Variants in RIMBP2 observed in about 807,000 individuals in gnomAD.
The protein encoded by RIMBP2 is RIMS-binding protein 2.
RIMBP2 carries 48 observed loss-of-function variants against 118.6 expected under a neutral mutation model. The observed-to-expected ratio is 0.40, with a 90% CI of 0.32 to 0.51. RIMBP2 has a LOEUF of 0.51. RIMBP2 is among the 20% of genes least tolerant of loss of function. The pLI, the probability that RIMBP2 is intolerant of heterozygous loss-of-function variation, is 0.41. For synonymous variants in RIMBP2, 762 were observed against 742.9 expected, an observed-to-expected ratio of 1.03 and a Z score of -0.42; for missense variants, 1,551 against 1,768.3, an observed-to-expected ratio of 0.88 and a Z score of 2.20.
chr12:130,528,237 C>CGTAT (rs1468844049), intron 2 of RIMBP2, among the ~76,000 whole-genome samples: 1 of 152,094 alleles, frequency 6.6e-6, no homozygotes, highest in Non-Finnish European at 1.5e-5. Flanking sequence ...AAACATGGTA[C>CGTAT]GTATACACCA....
At chr12:130,593,827 C>G (rs1473349952) in intron 2 of RIMBP2, among the ~76,000 whole-genome samples, 2 of 152,192 alleles carry the variant, frequency 1.3e-5, no homozygotes, top group African/African-American at 4.8e-5. Context: ...ACTGACTTGT[C>G]AAGAATTGCT....
chr12:130,522,943 G>A (rs991694467), intron 2 of RIMBP2, among the ~76,000 whole-genome samples: 32 of 152,162 alleles, frequency 2.1e-4, no homozygotes, highest in African/African-American at 7.5e-4. Flanking sequence ...TCTCGGTCTC[G>A]CTGCCTGCCT....
chr12:130,478,275 G>C (rs879419201), intron 5 of RIMBP2, among the ~76,000 whole-genome samples: 1 of 152,042 alleles, frequency 6.6e-6, no homozygotes, highest in Non-Finnish European at 1.5e-5. Context: ...ACTGGGATCC[G>C]GCTATAAATA....
At chr12:130,421,768 T>C (rs1252839875) in intron 17 of RIMBP2, among the ~76,000 whole-genome samples, 1 of 151,608 alleles carries the variant, frequency 6.6e-6, no homozygotes, top group African/African-American at 2.4e-5. Context: ...CCAGCTTCCA[T>C]TATCTTGTGC....
At chr12:130,452,635 C>G (rs763164638) in intron 7 of RIMBP2, among the ~76,000 whole-genome samples, 1 of 152,242 alleles carries the variant, frequency 6.6e-6, no homozygotes, top group Admixed American at 6.5e-5. Flanking sequence ...GGCCAGTGAA[C>G]CTTGAGGGGA....
intron 6 of RIMBP2, among the ~76,000 whole-genome samples, chr12:130,462,694 C>A (rs1332256412): frequency 6.6e-6 from 1 of 152,214 alleles, no homozygotes; most frequent in Non-Finnish European, 1.5e-5. Context: ...AGTTGACGTG[C>A]TTTCCCCGAA....
intron 9 of RIMBP2, among the ~76,000 whole-genome samples, chr12:130,449,345 G>A (rs2078800957): frequency 6.6e-6 from 1 of 152,256 alleles, no homozygotes; most frequent in Non-Finnish European, 1.5e-5. Context: ...CCTTGCCCAC[G>A]TCCGCCTCTG....
At chr12:130,614,873 T>G (rs953152933) in intron 2 of RIMBP2, among the ~76,000 whole-genome samples, 1 of 149,426 alleles carries the variant, frequency 6.7e-6, no homozygotes, top group Non-Finnish European at 1.5e-5. Flanking sequence ...AAAATATATA[T>G]GTATATAAAT....
chr12:130,615,845 G>A (rs933460589), intron 2 of RIMBP2, among the ~76,000 whole-genome samples: 4 of 152,114 alleles, frequency 2.6e-5, no homozygotes, highest in Non-Finnish European at 5.9e-5. Context: ...TCCTGTGGTG[G>A]TTGGCACCGG....
At chr12:130,705,838 T>C (rs1432094987) in intron 1 of RIMBP2, among the ~76,000 whole-genome samples, 1 of 152,220 alleles carries the variant, frequency 6.6e-6, no homozygotes, top group Non-Finnish European at 1.5e-5. Context: ...GCCGTTCTCT[T>C]CCCAGCCTAC....
intron 3 of RIMBP2, among the ~76,000 whole-genome samples, chr12:130,517,623 A>G (rs557037770): frequency 3.9e-5 from 6 of 152,148 alleles, no homozygotes; most frequent in Admixed American, 2.0e-4. Context: ...CCAAGCAGAG[A>G]TAACCAGCAG....
chr12:130,609,209 C>T lies in RIMBP2; in HGVS notation c.-217+19113G>A, dbSNP rs186435554. Among the ~76,000 whole-genome samples, 14 of 152,084 alleles carry T rather than the reference C, an allele frequency of 9.2e-5. No individual in the cohort carries two copies. The East Asian group carries it at 1.2e-3, about 13-fold the overall frequency. On this transcript the variant is annotated intron_variant, in intron 2 of 22. Coordinates refer to ENST00000690449, the MANE Select transcript of RIMBP2 (RefSeq NM_001393629.1). ...TGTCGCAAAGCTGTCTGCACCCCCA[C>T]GTATGAACTGAGTCTGTCACAAAGC...
At chr12:130,538,138 T>C (rs2054238749) in intron 2 of RIMBP2, among the ~76,000 whole-genome samples, 1 of 152,174 alleles carries the variant, frequency 6.6e-6, no homozygotes, top group Non-Finnish European at 1.5e-5. Flanking sequence ...CGTGACTGCA[T>C]TTGACCGTGG....
At chr12:130,712,550 C>T (rs917443376) in intron 1 of RIMBP2, among the ~76,000 whole-genome samples, 4 of 152,202 alleles carry the variant, frequency 2.6e-5, no homozygotes, top group African/African-American at 9.6e-5. Flanking sequence ...ACAAGGTGTG[C>T]CGTCGCCTCC....
intron 14 of RIMBP2, among the ~76,000 whole-genome samples, chr12:130,433,142 C>T (rs746496639): frequency 3.3e-5 from 5 of 152,168 alleles, no homozygotes; most frequent in African/African-American, 9.7e-5. Flanking sequence ...GGCAGAGGAC[C>T]GGCCTTACAC....
At chr12:130,508,363 A>G (rs1035896705) in intron 3 of RIMBP2, among the ~76,000 whole-genome samples, 3 of 151,834 alleles carry the variant, frequency 2.0e-5, no homozygotes, top group Non-Finnish European at 2.9e-5. Context: ...TTGGTGGTCT[A>G]AAAGTCCTAC....
Position 130,434,234 on chromosome 12 carries a change from C to T in RIMBP2, c.2253+500G>A, listed in dbSNP as rs370308986. Among the ~76,000 whole-genome samples the T allele has an allele frequency of 5.9e-5, 9 of 152,142 alleles. No homozygotes were observed. Among genetic ancestry groups the T allele is most frequent in the South Asian group, 2.1e-4 (1 of 4,822 alleles). On this transcript the variant is annotated intron_variant, in intron 14 of 22. Transcript: ENST00000690449. This position sits in a 1 kb window ranked among gnomAD's most constrained non-coding sequence, Gnocchi z 5.7. ...GAGGGCATTTCCATTAGAATATGCA[C>T]GATCGGAAATTAGACAGAAACCCCA...
Position 130,447,968 on chromosome 12 carries a change from G to A in RIMBP2, c.581+2232C>T, listed in dbSNP as rs1042868701. On this transcript the variant is annotated intron_variant, in intron 9 of 22. Coordinates refer to ENST00000690449, the MANE Select transcript of RIMBP2 (RefSeq NM_001393629.1). This position sits in a 1 kb window ranked among gnomAD's most constrained non-coding sequence, Gnocchi z 4.4. ...GCAAGAGGAGACACTGATTAGACCCGGGGCAGAAAACATAACCCCCTCCCT... is the reference window on the plus strand; with the variant it reads ...GCAAGAGGAGACACTGATTAGACCCAGGGCAGAAAACATAACCCCCTCCCT... Among the ~76,000 whole-genome samples, 11 of 152,040 alleles carry A rather than the reference G, an allele frequency of 7.2e-5. No homozygotes were observed. Among genetic ancestry groups the A allele is most frequent in the African/African-American group, 1.2e-4 (5 of 41,386 alleles).
At chr12:130,495,635 C>A (rs962223058) in intron 4 of RIMBP2, among the ~76,000 whole-genome samples, 1 of 152,208 alleles carries the variant, frequency 6.6e-6, no homozygotes, top group Non-Finnish European at 1.5e-5. Context: ...TCGTTTTACT[C>A]CAAGCATCTG....
Sources: allele counts gnomAD v4.1 joint callset (sites outside exome capture counted in the v4.1 genomes callset), GRCh38; gene constraint gnomAD v4.1.1; non-coding constraint Gnocchi (gnomAD v3.1); transcripts MANE v1.5; gene names NCBI Gene and HGNC (gene_info 2026-07-23, HGNC 2026-07-21).